The following BSDC1 variants were observed in gnomAD, a reference collection of about 807,000 sequenced individuals.
BSDC1 encodes the protein BSD domain-containing protein 1.
A neutral mutation model predicts 56.0 loss-of-function variants in BSDC1; 29 were observed. The observed-to-expected ratio is 0.52, with a 90% CI of 0.39 to 0.71. The LOEUF (loss-of-function observed/expected upper bound fraction) is 0.71. Among genes scored for constraint, BSDC1 ranks in the 30% least tolerant of loss-of-function variants. BSDC1 has a pLI of 0.00. For synonymous variants in BSDC1, 210 were observed against 215.3 expected (o/e 0.98, Z 0.21); for missense variants, 477 against 548.5 (o/e 0.87, Z 1.30).
Position 32,376,384 on chromosome 1 carries a change from C to A in BSDC1, c.1034G>T (p.Gly345Val), listed in dbSNP as rs759945487. Residue 345 changes from glycine to valine, a missense_variant, in exon 9 of 11, where the codon GGC (glycine) becomes GTC (valine). Physicochemically the swap from Gly to Val is moderately radical, Grantham distance 109. Coordinates refer to ENST00000455895, the MANE Select transcript of BSDC1 (RefSeq NM_018045.8). ...TCTGGCTGGAGGCCTGGGCTCTGGGCCGCCGGTGTGGCCAGCAGGCGTTAG... is the reference window on the plus strand; with the variant it reads ...TCTGGCTGGAGGCCTGGGCTCTGGGACGCCGGTGTGGCCAGCAGGCGTTAG... The part of the protein sequence containing the change: ...KPLTPAGHTG[G>V]PEPRPPARVE... 3 of 1,613,518 alleles carry A rather than the reference C, an allele frequency of 1.9e-6. No individual in the cohort carries two copies. In the East Asian group the frequency reaches 6.7e-5, roughly 36 times the overall value.
At chr1:32,392,263 CG>C (rs1381672257) in intron 2 of BSDC1, among the ~76,000 whole-genome samples, 3 of 152,180 alleles carry the variant, frequency 2.0e-5, no homozygotes, top group East Asian at 1.9e-4. Flanking sequence ...ACTCAGGAGG[CG>C]GAAGTTGCAG....
chr1:32,388,853 T>C (rs943224360), intron 2 of BSDC1, among the ~76,000 whole-genome samples: 11 of 152,066 alleles, frequency 7.2e-5, no homozygotes, highest in African/African-American at 2.7e-4. Flanking sequence ...TCTGGAAAAC[T>C]CCTGTTCATC....
intron 4 of BSDC1, among the ~76,000 whole-genome samples, chr1:32,383,287 A>T (rs1398548373): frequency 6.6e-6 from 1 of 151,940 alleles, no homozygotes. Flanking sequence ...TACCAAAATA[A>T]TTTTTTTAAA....
chr1:32,367,464 C>T, intron 10 of BSDC1: 5 of 985,414 alleles, frequency 5.1e-6, no homozygotes, highest in Non-Finnish European at 6.0e-6. Context: ...TTCAGTTTCC[C>T]ATCATGAAAA....
chr1:32,382,282 G>C (rs1280649841), intron 4 of BSDC1, among the ~76,000 whole-genome samples: 1 of 150,326 alleles, frequency 6.7e-6, no homozygotes, highest in Non-Finnish European at 1.5e-5. Flanking sequence ...AGCCAGCCTA[G>C]GCAACATGGG....
intron 9 of BSDC1, chr1:32,369,275 A>G: frequency 1.6e-6 from 2 of 1,289,806 alleles, no homozygotes; most frequent in Non-Finnish European, 2.0e-6. Flanking sequence ...ACTTTGGCCC[A>G]GAGGCTCCAA....
intron 10 of BSDC1, chr1:32,367,557 T>A (rs966161014): frequency 2.1e-5 from 21 of 985,370 alleles, no homozygotes; most frequent in South Asian, 4.7e-5. Flanking sequence ...ACTCATGTGG[T>A]TCTTATGTGA....
chr1:32,375,705 A>G (rs1162219320), intron 9 of BSDC1, among the ~76,000 whole-genome samples: 1 of 152,220 alleles, frequency 6.6e-6, no homozygotes, highest in Non-Finnish European at 1.5e-5. Flanking sequence ...TATATTTCAT[A>G]ATAACGAAGG....
chr1:32,368,156 G>C, intron 10 of BSDC1: 1 of 1,425,314 alleles, frequency 7.0e-7, no homozygotes, highest in Non-Finnish European at 9.1e-7. Flanking sequence ...ACAGGTGTGA[G>C]CCACCGCGCT....
At chr1:32,382,388 T>C (rs1279815318) in intron 4 of BSDC1, among the ~76,000 whole-genome samples, 2 of 148,748 alleles carry the variant, frequency 1.3e-5, no homozygotes, top group Non-Finnish European at 3.0e-5. Context: ...AGGAGCACCT[T>C]AGGAGATCGA....
At chr1:32,373,287 G>A (rs1379615574) in intron 9 of BSDC1, among the ~76,000 whole-genome samples, 2 of 152,184 alleles carry the variant, frequency 1.3e-5, no homozygotes, top group Non-Finnish European at 1.5e-5. Context: ...GGCCCTGAGG[G>A]CAGCAGAGGC....
At chr1:32,375,328 C>T (rs1238975259) in intron 9 of BSDC1, among the ~76,000 whole-genome samples, 1 of 151,892 alleles carries the variant, frequency 6.6e-6, no homozygotes, top group Non-Finnish European at 1.5e-5. Context: ...ACTACACCAG[C>T]AGGCCAGGCC....
At chr1:32,368,287 T>C (rs780841283) in intron 10 of BSDC1, 160 bp downstream of exon 10, 4 of 1,571,694 alleles carry the variant, frequency 2.5e-6, no homozygotes, top group Non-Finnish European at 3.5e-6. Context: ...TGATGACCAA[T>C]GTTGTGGGTC....
chr1:32,389,007 T>C (rs920472055), intron 2 of BSDC1, among the ~76,000 whole-genome samples: 1 of 150,248 alleles, frequency 6.7e-6, no homozygotes, highest in African/African-American at 2.5e-5. Flanking sequence ...CAGGCTGGAG[T>C]GCAGTGGCGC....
intron 9 of BSDC1, among the ~76,000 whole-genome samples, chr1:32,369,796 T>G (rs1164237827): frequency 6.6e-6 from 1 of 152,152 alleles, no homozygotes; most frequent in Non-Finnish European, 1.5e-5. Context: ...CTGCTCTAGT[T>G]GTTCTTTTTT....
chr1:32,375,008 C>T (rs893583768), intron 9 of BSDC1, among the ~76,000 whole-genome samples: 11 of 152,092 alleles, frequency 7.2e-5, no homozygotes, highest in Admixed American at 3.3e-4. Context: ...AAAAATTAGC[C>T]GGGCATGATA....
rs1405993970 is a variant in BSDC1, at chr1:32,377,965, C to T, written c.676+5G>A. 1 of 1,611,174 alleles carries T rather than the reference C, an allele frequency of 6.2e-7. No individual in the cohort carries two copies. Among genetic ancestry groups the T allele is most frequent in the South Asian group, 1.1e-5 (1 of 90,454 alleles). On this transcript the variant is annotated splice_donor_5th_base_variant and intron_variant, in intron 8 of 10. Coordinates refer to ENST00000455895, the MANE Select transcript of BSDC1 (RefSeq NM_018045.8). ...ACTTGCCCCTCACCTCTCAACGCCT[C>T]TTACCTTCCTCCTCCTCCCAGCCGG...
intron 2 of BSDC1, among the ~76,000 whole-genome samples, chr1:32,388,843 T>C (rs890545082): frequency 1.3e-5 from 2 of 152,152 alleles, no homozygotes; most frequent in African/African-American, 2.4e-5. Context: ...AACCCTCTTA[T>C]CTGGAAAACT....
intron 9 of BSDC1, among the ~76,000 whole-genome samples, chr1:32,374,284 T>C (rs1232513531): frequency 6.6e-6 from 1 of 152,246 alleles, no homozygotes; most frequent in Non-Finnish European, 1.5e-5. Flanking sequence ...CTCTACTTAA[T>C]TCTGCTCTGA....
Sources: gnomAD v4.1 joint callset for allele counts (sites outside exome capture counted in the v4.1 genomes callset) on GRCh38, gnomAD v4.1.1 for gene constraint, MANE v1.5 for transcripts, NCBI Gene and HGNC (gene_info 2026-07-23, HGNC 2026-07-21) for gene names.